The following IQSEC1 variants were observed in gnomAD, a reference collection of about 807,000 sequenced individuals.
IQSEC1 encodes IQ motif and SEC7 domain-containing protein 1.
In IQSEC1, 31 loss-of-function variants were observed where a neutral mutation model predicts 91.0. The observed-to-expected ratio is 0.34, with a 90% CI of 0.26 to 0.46. The LOEUF is 0.46. Ranked by LOEUF, IQSEC1 falls within the 20% of genes least tolerant of loss-of-function variation. The pLI is 1.00. For missense variants in IQSEC1, 1,388 were observed against 1,575.6 expected, an observed-to-expected ratio of 0.88 and a Z score of 2.02; for synonymous variants, 699 against 662.6, an observed-to-expected ratio of 1.05 and a Z score of -0.84.
At chr3:13,205,804 C>CCA (rs2125055881) in intron 1 of IQSEC1, among the ~76,000 whole-genome samples, 1 of 151,062 alleles carries the variant, frequency 6.6e-6, no homozygotes, top group African/African-American at 2.4e-5. Context: ...CTCTACCCAC[C>CCA]CATCCATCCT....
chr3:12,961,275 G>T (rs1488898988), intron 1 of IQSEC1, among the ~76,000 whole-genome samples: 2 of 152,220 alleles, frequency 1.3e-5, no homozygotes, highest in Non-Finnish European at 2.9e-5. Context: ...ACAGGGCTGG[G>T]GGCCTCTACC....
chr3:13,260,110 G>A, intron 1 of IQSEC1, among the ~76,000 whole-genome samples: 1 of 152,214 alleles, frequency 6.6e-6, no homozygotes, highest in Non-Finnish European at 1.5e-5. Flanking sequence ...TGGAGGAAGA[G>A]GGGGAAGGAG....
chr3:12,929,117 G>A (rs1218487849), intron 3 of IQSEC1, among the ~76,000 whole-genome samples: 2 of 152,220 alleles, frequency 1.3e-5, no homozygotes, highest in Non-Finnish European at 2.9e-5. Context: ...CCACACTTCC[G>A]TCTCAGCTCC....
intron 2 of IQSEC1, among the ~76,000 whole-genome samples, chr3:13,124,468 C>T (rs890280687): frequency 6.6e-6 from 1 of 152,214 alleles, no homozygotes; most frequent in African/African-American, 2.4e-5. Context: ...GTCCATGGAT[C>T]TCTATGAGTG....
chr3:13,249,355 G>A (rs1167726118), intron 1 of IQSEC1, among the ~76,000 whole-genome samples: 1 of 151,732 alleles, frequency 6.6e-6, no homozygotes, highest in Non-Finnish European at 1.5e-5. Context: ...TGTATTTTTA[G>A]TAGAGATGGG....
chr3:13,150,148 A>G (rs1196932522), intron 2 of IQSEC1, among the ~76,000 whole-genome samples: 2 of 152,324 alleles, frequency 1.3e-5, no homozygotes, highest in Non-Finnish European at 2.9e-5. Flanking sequence ...TGAGGAACAA[A>G]TGGACTATGC....
rs1702026981 is a variant in IQSEC1 at position 12,992,321 on chromosome 3, C to T, written c.24-50456G>A. On this transcript the variant is annotated intron_variant, in intron 1 of 13. Coordinates refer to ENST00000613206, the MANE Select transcript of IQSEC1 (RefSeq NM_001134382.3). The surrounding 1 kb of genome is among the most constrained non-coding windows in gnomAD (Gnocchi z 4.1). ...ATTGTGGCCACCCCAAGTCACCTCT[C>T]AGTTTATCTTTTCCTGTGGGGGGTG... Among the ~76,000 whole-genome samples the T allele has an allele frequency of 7.4e-6, 1 of 135,630 alleles. No individual in the cohort carries two copies. 89.0% of individuals were successfully genotyped at this position (135,630 alleles called of 152,430 possible).
At chr3:12,907,637 C>T (rs986991060) in intron 12 of IQSEC1, among the ~76,000 whole-genome samples, 1 of 152,244 alleles carries the variant, frequency 6.6e-6, no homozygotes, top group African/African-American at 2.4e-5. Flanking sequence ...AAGGGAGAGC[C>T]TGGGCCACAG....
intron 1 of IQSEC1, among the ~76,000 whole-genome samples, chr3:13,281,235 G>T (rs112746296): frequency 2.6e-5 from 4 of 152,218 alleles, no homozygotes; most frequent in Admixed American, 2.0e-4. Context: ...AAAGGGCCCG[G>T]GCCCCTGTGA....
rs904898413 is a variant in IQSEC1, at chr3:12,899,773, T to C, written c.*1210A>G. 24 of 984,806 alleles carry C rather than the reference T, an allele frequency of 2.4e-5. No individual in the cohort carries two copies. The highest frequency in any genetic ancestry group is 2.8e-5 in the Non-Finnish European group (23 of 829,822). 61.0% of individuals were successfully genotyped at this position (984,806 alleles called of 1,614,324 possible). ...TAAAGTCAACCTTCAGGTTCGAGAG[T>C]GGTTCCTGATGAAAACACTCTCTGA... is the stretch of plus-strand genomic sequence containing the variant. On this transcript the variant is annotated 3_prime_UTR_variant, in exon 14 of 14. Transcript: ENST00000613206.
At chr3:12,957,691 C>A (rs914848238) in intron 1 of IQSEC1, among the ~76,000 whole-genome samples, 7 of 152,338 alleles carry the variant, frequency 4.6e-5, no homozygotes, top group South Asian at 4.1e-4. Flanking sequence ...CCCGCCCTGC[C>A]AGCCAGGGCC....
chr3:13,103,108 G>C lies in IQSEC1; in HGVS notation c.303-55586C>G, dbSNP rs1007600338. On this transcript the variant is annotated intron_variant, in intron 2 of 15. Transcript: ENST00000648114. The surrounding 1 kb of genome is among the most constrained non-coding windows in gnomAD (Gnocchi z 4.1). ...GCTCCCATGCTCTGAAGTAGAGCCA[G>C]GGCCCCAGGGCTCTGCCCCAGCCCC... 1.3e-5 allele frequency among the ~76,000 whole-genome samples: 2 copies of C among 152,016 alleles called. No homozygotes were observed. Among genetic ancestry groups the C allele is most frequent in the African/African-American group, 2.4e-5 (1 of 41,400 alleles).
At chr3:13,176,282 C>G (rs138426500) in intron 1 of IQSEC1, among the ~76,000 whole-genome samples, 1 of 152,160 alleles carries the variant, frequency 6.6e-6, no homozygotes, top group Admixed American at 6.5e-5. Context: ...GCCAGAACAA[C>G]GTCAGAACTG....
chr3:13,130,635 T>C (rs925925727), intron 2 of IQSEC1, among the ~76,000 whole-genome samples: 3 of 152,058 alleles, frequency 2.0e-5, no homozygotes, highest in African/African-American at 4.8e-5. Context: ...TGTCCTGTCA[T>C]GTAGTGAAAG....
At chr3:13,039,513 T>A (rs564344150) in intron 1 of IQSEC1, among the ~76,000 whole-genome samples, 3 of 152,244 alleles carry the variant, frequency 2.0e-5, no homozygotes, top group Non-Finnish European at 2.9e-5. Context: ...GTGGCTCCAT[T>A]TGCAGAGCTT....
In IQSEC1 at chr3:13,005,272, G is replaced by C. The variant is rs539150412; in HGVS notation, c.24-63407C>G. Among the ~76,000 whole-genome samples, 9 of 152,294 alleles carry C rather than the reference G, an allele frequency of 5.9e-5. No individual in the cohort carries two copies. In the East Asian group the frequency reaches 1.5e-3, roughly 26 times the overall value. Reference sequence around the variant, plus strand: ...ATGGAGTTCCCATACTTCACGGTGTGGGGGAAGGATCAGAGGATGAGGCCT... The same window carrying C: ...ATGGAGTTCCCATACTTCACGGTGTCGGGGAAGGATCAGAGGATGAGGCCT... On this transcript the variant is annotated intron_variant, in intron 1 of 13. Coordinates refer to ENST00000613206, the MANE Select transcript of IQSEC1 (RefSeq NM_001134382.3).
chr3:12,968,365 C>G (rs1156917174), intron 1 of IQSEC1, among the ~76,000 whole-genome samples: 1 of 152,146 alleles, frequency 6.6e-6, no homozygotes, highest in Non-Finnish European at 1.5e-5. Context: ...AGCCCCCTAC[C>G]CTTTCTCCAC....
In IQSEC1 at chr3:12,913,630, T is replaced by C. The variant is rs552657853; in HGVS notation, c.2191-77A>G. ...CCCTGGGGGCCGCAGTGGAGAAGTC[T>C]AGCCCTTCAAGCTAGAAACCCGGCA... On this transcript the variant is annotated intron_variant, in intron 8 of 13. Transcript: ENST00000613206. The C allele has an allele frequency of 7.5e-5, 111 of 1,473,132 alleles. No homozygotes were observed. In the African/African-American group the frequency reaches 1.4e-3, roughly 18 times the overall value. 91.3% of individuals were successfully genotyped at this position (1,473,132 alleles called of 1,614,324 possible).
intron 1 of IQSEC1, among the ~76,000 whole-genome samples, chr3:13,255,621 T>A (rs1695272185): frequency 2.0e-5 from 3 of 152,050 alleles, no homozygotes; most frequent in Non-Finnish European, 2.9e-5. Flanking sequence ...TTTGGGGTTT[T>A]TTTTTTGTTC....
Sources: allele counts gnomAD v4.1 joint callset (sites outside exome capture counted in the v4.1 genomes callset), GRCh38; gene constraint gnomAD v4.1.1; non-coding constraint Gnocchi (gnomAD v3.1); transcripts MANE v1.5; gene names NCBI Gene and HGNC (gene_info 2026-07-23, HGNC 2026-07-21).